The following EIF4H variants were observed in gnomAD, a reference collection of about 807,000 sequenced individuals.
The protein encoded by EIF4H is Williams-Beuren syndrome chromosome region 1.
A neutral mutation model predicts 30.6 loss-of-function variants in EIF4H; 8 were observed. The observed-to-expected ratio is 0.26, with a 90% CI of 0.15 to 0.47. The LOEUF is 0.47. Ranked by LOEUF, EIF4H falls within the 20% of genes least tolerant of loss-of-function variation. The pLI is 0.99. For synonymous variants in EIF4H, 106 were observed against 122.7 expected (o/e 0.86, Z 0.90); for missense variants, 188 against 339.5 (o/e 0.55, Z 3.51).
chr7:74,180,173 G>A (rs1800927198), intron 1 of EIF4H, among the ~76,000 whole-genome samples: 1 of 152,070 alleles, frequency 6.6e-6, no homozygotes, highest in Non-Finnish European at 1.5e-5. Flanking sequence ...CTCAAATCTG[G>A]GCAACAGAGC....
Position 74,182,492 on chromosome 7 carries a change from G to A in EIF4H, c.60-5119G>A, listed in dbSNP as rs529469629. Among the ~76,000 whole-genome samples, 3 of 152,340 alleles carry A rather than the reference G, an allele frequency of 2.0e-5. No homozygotes were observed. In the East Asian group the frequency reaches 5.8e-4, roughly 29 times the overall value. ...AGGTGTGAGCCATGGCGTCCGGCCA[G>A]TCATTTTCTTTGGTTTACACTACTT... On this transcript the variant is annotated intron_variant, in intron 1 of 6. Coordinates refer to ENST00000265753, the MANE Select transcript of EIF4H (RefSeq NM_022170.2).
chr7:74,189,976 C>A, intron 4 of EIF4H, 58 bp downstream of exon 4: 1 of 1,579,820 alleles, frequency 6.3e-7, no homozygotes, highest in Non-Finnish European at 8.6e-7. Context: ...CTACCAATTC[C>A]AACTCGTGAA....
At chr7:74,178,767 GATTGCATC>G (rs1554708033) in intron 1 of EIF4H, among the ~76,000 whole-genome samples, 1 of 152,170 alleles carries the variant, frequency 6.6e-6, no homozygotes, top group African/African-American at 2.4e-5. Flanking sequence ...AAATGAGTGT[GATTGCATC>G]ATTTTCATAG....
rs868910362 is a variant in EIF4H at position 74,187,591 on chromosome 7, C to T, written c.60-20C>T. 2.6e-6 allele frequency: 4 copies of T among 1,546,102 alleles called. No individual in the cohort carries two copies. The Middle Eastern group carries it at 5.2e-4, about 201-fold the overall frequency. ...ATTCCACTCTGGGCACACTTGAATCCTGTTTGTCTCCCCTCCTAGGTCCCG... is the reference window on the plus strand; with the variant it reads ...ATTCCACTCTGGGCACACTTGAATCTTGTTTGTCTCCCCTCCTAGGTCCCG... On this transcript the variant is annotated intron_variant, in intron 1 of 6. Coordinates refer to ENST00000265753, the MANE Select transcript of EIF4H (RefSeq NM_022170.2).
chr7:74,186,300 A>ACCT (rs1243006720), intron 1 of EIF4H, among the ~76,000 whole-genome samples: 1 of 147,204 alleles, frequency 6.8e-6, no homozygotes, highest in African/African-American at 2.5e-5. Flanking sequence ...TACAACCTCC[A>ACCT]CCTCCTGGGT....
intron 5 of EIF4H, among the ~76,000 whole-genome samples, chr7:74,192,668 CTTTTTTTTTTTTCTTTTT>C (rs1801248159): frequency 1.1e-5 from 1 of 93,186 alleles, no homozygotes; most frequent in Admixed American, 1.5e-4. Context: ...CTTTATGTGA[CTTTTTTTTTTTTCTTTTT>C]TTTTTTTTTG....
At chr7:74,179,923 A>G (rs1034897288) in intron 1 of EIF4H, among the ~76,000 whole-genome samples, 1 of 152,174 alleles carries the variant, frequency 6.6e-6, no homozygotes, top group African/African-American at 2.4e-5. Context: ...GGCAACAAAT[A>G]CTGTTATTTT....
At position 74,187,816 on chromosome 7, in the gene EIF4H, TTATTGTA is replaced by T; in HGVS notation, c.247+23_247+29del. 6.3e-7 allele frequency: 1 copy of T among 1,589,684 alleles called. No homozygotes were observed. The highest frequency in any genetic ancestry group is 1.1e-5 in the South Asian group (1 of 88,178). On this transcript the variant is annotated intron_variant, in intron 2 of 6. Coordinates refer to ENST00000265753, the MANE Select transcript of EIF4H (RefSeq NM_022170.2). ...ATTTAAAGGTGAGTTTGGGGGATTC[TTATTGTA>T]TATTACTGTAAAGTGTAGGGGAGGA...
At chr7:74,182,797 C>T (rs1554708603) in intron 1 of EIF4H, among the ~76,000 whole-genome samples, 1 of 152,146 alleles carries the variant, frequency 6.6e-6, no homozygotes, top group Admixed American at 6.5e-5. Flanking sequence ...TATAGTTACC[C>T]TCTCTCAGTC....
At chr7:74,178,807 AC>A (rs2115936811) in intron 1 of EIF4H, among the ~76,000 whole-genome samples, 1 of 152,332 alleles carries the variant, frequency 6.6e-6, no homozygotes, top group South Asian at 2.1e-4. Flanking sequence ...AGCTGTATGT[AC>A]GTCTAAGACT....
At chr7:74,178,192 C>T (rs1310026712) in intron 1 of EIF4H, among the ~76,000 whole-genome samples, 1 of 152,184 alleles carries the variant, frequency 6.6e-6, no homozygotes, top group Admixed American at 6.6e-5. Flanking sequence ...CTTCCTGCCT[C>T]AGCCTCCCAA....
intron 1 of EIF4H, among the ~76,000 whole-genome samples, chr7:74,185,184 G>T (rs1584179611): frequency 6.7e-6 from 1 of 148,578 alleles, no homozygotes; most frequent in African/African-American, 2.5e-5. Flanking sequence ...ATAGAGATGG[G>T]GTCTTACTGT....
Position 74,187,706 on chromosome 7 carries a change from A to G in EIF4H, c.155A>G (p.Asn52Ser). 6.2e-7 allele frequency: 1 copy of G among 1,613,932 alleles called. No individual in the cohort carries two copies. The highest frequency in any genetic ancestry group is 8.5e-7 in the Non-Finnish European group (1 of 1,179,874). ...GCATACGTAGGAAATCTACCTTTCA[A>G]TACGGTTCAGGGCGACATAGATGCT... The part of the protein sequence containing the change: ...YTAYVGNLPF[N>S]TVQGDIDAIF... Residue 52 changes from asparagine (N) to serine (S), a missense_variant, in exon 2 of 7, where the codon AAT becomes AGT. Asn to Ser is a conservative substitution (Grantham distance 46). Transcript: ENST00000265753.
At chr7:74,190,118 A>G (rs1192406232) in intron 4 of EIF4H, 129 bp from the exon 5 acceptor site, 1 of 1,138,782 alleles carries the variant, frequency 8.8e-7, no homozygotes. Flanking sequence ...TGTTGGAAGC[A>G]AAAGCTCTTA....
intron 5 of EIF4H, among the ~76,000 whole-genome samples, chr7:74,193,340 C>T (rs1010018635): frequency 1.3e-4 from 20 of 152,310 alleles, no homozygotes; most frequent in African/African-American, 4.8e-4. Flanking sequence ...TGTGCAGGTC[C>T]AGGACTGACT....
At chr7:74,178,630 A>G (rs1554708011) in intron 1 of EIF4H, among the ~76,000 whole-genome samples, 1 of 152,088 alleles carries the variant, frequency 6.6e-6, no homozygotes, top group Non-Finnish European at 1.5e-5. Context: ...TAGAACGTAC[A>G]AAGCAGACTC....
chr7:74,182,178 ATG>A (rs1489944623), intron 1 of EIF4H, among the ~76,000 whole-genome samples: 2 of 152,188 alleles, frequency 1.3e-5, no homozygotes, highest in African/African-American at 4.8e-5. Flanking sequence ...TTACAGAAAA[ATG>A]TAGAAAATTT....
intron 1 of EIF4H, among the ~76,000 whole-genome samples, chr7:74,182,895 G>A (rs1034380765): frequency 1.3e-5 from 2 of 152,188 alleles, no homozygotes. Context: ...TCCCACTTCT[G>A]TTGCTCTCTG....
chr7:74,179,919 A>G lies in EIF4H; in HGVS notation c.59+5477A>G, dbSNP rs139840562. ...AAGCTTAAATTTTACCATTGGCAAC[A>G]AATACTGTTATTTTGGCCAGGTGCT... On this transcript the variant is annotated intron_variant, in intron 1 of 6. Transcript: ENST00000265753. Among the ~76,000 whole-genome samples, 152 of 152,274 alleles carry G rather than the reference A, an allele frequency of 1.0e-3. 1 individual carries two copies. The highest frequency in any genetic ancestry group is 3.4e-3 in the Middle Eastern group (1 of 294).
Sources: gnomAD v4.1 joint callset for allele counts (sites outside exome capture counted in the v4.1 genomes callset) on GRCh38, gnomAD v4.1.1 for gene constraint, MANE v1.5 for transcripts, NCBI Gene and HGNC (gene_info 2026-07-23, HGNC 2026-07-21) for gene names.